Variants in ABCB5 observed in about 807,000 individuals in gnomAD.
ABCB5 encodes the protein ATP binding cassette subfamily B member 5, also known as ATP-binding cassette sub-family B member 5.
ABCB5 carries 155 observed loss-of-function variants against 144.2 expected under a neutral mutation model. That is an observed-to-expected ratio of 1.08 (90% CI 0.94 to 1.23). The LOEUF is 1.23. ABCB5 is among the 50% of genes most tolerant of loss of function. ABCB5 has a pLI of 0.00. For missense variants in ABCB5, 1,830 were observed against 1,520.8 expected (o/e 1.20, Z -3.38); for synonymous variants, 610 against 528.6 (o/e 1.15, Z -2.11).
chr7:20,723,090 A>C lies in ABCB5; in HGVS notation c.2496A>C (p.Ile832=), dbSNP rs763654042. 3.1e-6 allele frequency: 5 copies of C among 1,614,148 alleles called. No homozygotes were observed. Among genetic ancestry groups the C allele is most frequent in the Non-Finnish European group, 3.4e-6 (4 of 1,180,022 alleles). Residue 832 remains isoleucine, a synonymous_variant, in exon 21 of 28, where the codon ATA becomes ATC. Coordinates refer to ENST00000404938, the MANE Select transcript of ABCB5 (RefSeq NM_001163941.2). Reference sequence around the variant, plus strand: ...GACTTTCAGTTATCATTTCCTTTATATATGGATGGGAGATGACATTCCTGA... The same window carrying C: ...GACTTTCAGTTATCATTTCCTTTATCTATGGATGGGAGATGACATTCCTGA... ...NMGLSVIISF[I]YGWEMTFLIL...
chr7:20,747,260 T>C (rs897729209), intron 26 of ABCB5, among the ~76,000 whole-genome samples: 3 of 152,198 alleles, frequency 2.0e-5, no homozygotes, highest in Non-Finnish European at 4.4e-5. Context: ...TTGATATTTG[T>C]ACCATTTAAC....
At chr7:20,698,338 TGGG>T (rs1786494213) in intron 16 of ABCB5, 66 bp from the exon 17 acceptor site, 2 of 1,338,820 alleles carry the variant, frequency 1.5e-6, no homozygotes, top group African/African-American at 1.5e-5. Flanking sequence ...CTGTTTATGA[TGGG>T]CTAACTTCAC....
chr7:20,661,534 C>CTTT (rs367733404), intron 14 of ABCB5, among the ~76,000 whole-genome samples: 1 of 132,388 alleles, frequency 7.6e-6, no homozygotes. Context: ...TCTTTCTTTT[C>CTTT]TTTTTCTTTT....
intron 1 of ABCB5, 61 bp downstream of exon 1, chr7:20,615,898 AAC>A (rs1374571284): frequency 1.3e-5 from 2 of 152,330 alleles, no homozygotes; most frequent in Non-Finnish European, 2.9e-5. Flanking sequence ...AAGAATATAA[AAC>A]ACTTCTCCAT....
At chr7:20,672,121 T>C (rs868525146) in intron 14 of ABCB5, among the ~76,000 whole-genome samples, 2 of 152,214 alleles carry the variant, frequency 1.3e-5, no homozygotes, top group South Asian at 2.1e-4. Flanking sequence ...TGTTAAAGTG[T>C]CTGTTCAAAT....
intron 3 of ABCB5, among the ~76,000 whole-genome samples, chr7:20,626,836 TTTTAAAAGTGTTTTTGGG>T (rs1783919846): frequency 6.7e-6 from 1 of 149,224 alleles, no homozygotes; most frequent in Admixed American, 6.8e-5. Context: ...TGACTCAGTG[TTTTAAAAGTGTTTTTGGG>T]GTGTGTGTGT....
intron 13 of ABCB5, among the ~76,000 whole-genome samples, 158 bp from the exon 14 acceptor site, chr7:20,658,348 G>GTTTTTCTT (rs1482397230): frequency 6.8e-6 from 1 of 146,186 alleles, no homozygotes. Flanking sequence ...TTTTACAGCG[G>GTTTTTCTT]TTTGTTTTCA....
At chr7:20,724,750 G>T (rs992827947) in intron 21 of ABCB5, among the ~76,000 whole-genome samples, 3 of 151,656 alleles carry the variant, frequency 2.0e-5, no homozygotes, top group African/African-American at 7.3e-5. Flanking sequence ...TCTGTATCAC[G>T]GTGAATGTGT....
In ABCB5 at chr7:20,755,755, AT is replaced by A; in HGVS notation, c.*132del. 1 of 888,642 alleles carries A rather than the reference AT, an allele frequency of 1.1e-6. No individual in the cohort carries two copies. Among genetic ancestry groups the A allele is most frequent in the Non-Finnish European group, 1.7e-6 (1 of 587,788 alleles). 55.0% of individuals were successfully genotyped at this position (888,642 alleles called of 1,614,324 possible). A position where few individuals can be genotyped will look rare whatever the true frequency, so the allele number is the denominator to read the frequency against. On this transcript the variant is annotated 3_prime_UTR_variant, in exon 28 of 28. Coordinates refer to ENST00000404938, the MANE Select transcript of ABCB5 (RefSeq NM_001163941.2). ...AGAATCATGCTACTCAAGTACATAC[AT>A]GTTCTATTCACACACCATCTGACCT...
chr7:20,721,967 T>G (rs1274044280), intron 20 of ABCB5, among the ~76,000 whole-genome samples: 1 of 152,230 alleles, frequency 6.6e-6, no homozygotes, highest in Non-Finnish European at 1.5e-5. Context: ...TAAGTACATG[T>G]CAATTATGCA....
At chr7:20,659,496 A>C in intron 14 of ABCB5, 2 of 1,037,674 alleles carry the variant, frequency 1.9e-6, no homozygotes, top group Non-Finnish European at 2.3e-6. Flanking sequence ...TGCTTCTTGA[A>C]AAATCTCTTA....
intron 20 of ABCB5, among the ~76,000 whole-genome samples, chr7:20,714,185 C>A (rs1051086833): frequency 2.6e-5 from 4 of 152,148 alleles, no homozygotes; most frequent in African/African-American, 9.7e-5. Context: ...AGAAATCCTA[C>A]CATATGGCAT....
intron 27 of ABCB5, 152 bp downstream of exon 27, chr7:20,753,658 A>G: frequency 3.6e-6 from 3 of 823,786 alleles, no homozygotes; most frequent in Non-Finnish European, 5.2e-6. Flanking sequence ...GACCTTTACA[A>G]AAAGGTCAGT....
intron 14 of ABCB5, among the ~76,000 whole-genome samples, chr7:20,661,779 T>C (rs1436223674): frequency 2.0e-5 from 3 of 152,066 alleles, no homozygotes; most frequent in Non-Finnish European, 4.4e-5. Context: ...GTGATCTGCC[T>C]GCCCTAGCCT....
At chr7:20,663,069 ATAGG>A (rs2128031678) in intron 14 of ABCB5, among the ~76,000 whole-genome samples, 1 of 152,312 alleles carries the variant, frequency 6.6e-6, no homozygotes, top group Non-Finnish European at 1.5e-5. Flanking sequence ...AGGTTAAGTA[ATAGG>A]TAGGCACAGT....
intron 14 of ABCB5, among the ~76,000 whole-genome samples, chr7:20,663,321 A>C (rs901917086): frequency 4.6e-5 from 7 of 152,358 alleles, no homozygotes; most frequent in South Asian, 2.1e-4. Context: ...CATCTACAGT[A>C]GCCAAAAGGT....
At chr7:20,636,649 G>C (rs893647747) in intron 5 of ABCB5, among the ~76,000 whole-genome samples, 1 of 151,754 alleles carries the variant, frequency 6.6e-6, no homozygotes, top group Non-Finnish European at 1.5e-5. Context: ...GCTGGGCATG[G>C]TGGTGGGCAC....
intron 1 of ABCB5, among the ~76,000 whole-genome samples, chr7:20,616,327 C>T (rs552035094): frequency 1.4e-3 from 220 of 152,316 alleles, no homozygotes; most frequent in African/African-American, 5.2e-3. Context: ...TGAGCCACTG[C>T]GCCCAGCCAT....
chr7:20,755,333 A>G, intron 27 of ABCB5, 94 bp from the exon 28 acceptor site: 1 of 1,088,370 alleles, frequency 9.2e-7, no homozygotes, highest in South Asian at 1.5e-5. Flanking sequence ...AAATAAAGCA[A>G]AGAAGGTTAT....
Sources: gnomAD v4.1 joint callset for allele counts (sites outside exome capture counted in the v4.1 genomes callset) on GRCh38, gnomAD v4.1.1 for gene constraint, MANE v1.5 for transcripts, NCBI Gene and HGNC (gene_info 2026-07-23, HGNC 2026-07-21) for gene names.